Variants in LRRC9 observed in about 807,000 individuals in gnomAD.
The protein encoded by LRRC9 is leucine rich repeat containing 9.
In LRRC9, 122 loss-of-function variants were observed where a neutral mutation model predicts 63.2. The observed-to-expected ratio is 1.93, with a 90% CI of 1.67 to 2.24. The LOEUF (loss-of-function observed/expected upper bound fraction) is 2.24. LRRC9 is among the 30% of genes most tolerant of loss of function. The pLI is 0.00. For missense variants in LRRC9, 1,071 were observed against 627.7 expected (o/e 1.71, Z -7.55); for synonymous variants, 366 against 213.1 (o/e 1.72, Z -6.25).
At chr14:59,935,016 T>C (rs1391071353) in intron 6 of LRRC9, among the ~76,000 whole-genome samples, 1 of 151,552 alleles carries the variant, frequency 6.6e-6, no homozygotes, top group Non-Finnish European at 1.5e-5. Context: ...CCGGGCATGG[T>C]GGCTCACGCC....
intron 30 of LRRC9, among the ~76,000 whole-genome samples, chr14:60,056,657 T>C (rs539443898): frequency 5.3e-5 from 8 of 152,168 alleles, no homozygotes; most frequent in Non-Finnish European, 1.2e-4. Context: ...AATATTATTT[T>C]TTATCTATAT....
chr14:59,937,118 TG>T (rs1320118929), intron 6 of LRRC9, among the ~76,000 whole-genome samples: 1 of 150,138 alleles, frequency 6.7e-6, no homozygotes, highest in Non-Finnish European at 1.5e-5. Context: ...AAGTGCTGAG[TG>T]TTGAGAATAC....
exon 32 of LRRC9, chr14:60,063,545 C>T: frequency 2.1e-6 from 1 of 483,282 alleles, no homozygotes. Flanking sequence ...TTAATATCAC[C>T]TCTCTTAAAC....
chr14:59,960,998 G>C (rs763822932), exon 10 of LRRC9: 8 of 694,180 alleles, frequency 1.2e-5, no homozygotes, highest in South Asian at 1.1e-4. Context: ...TTGAGTTAGA[G>C]ACTGTGGGAA....
At chr14:59,988,957 T>C (rs1032467266) in intron 17 of LRRC9, among the ~76,000 whole-genome samples, 24 of 152,300 alleles carry the variant, frequency 1.6e-4, no homozygotes, top group Non-Finnish European at 2.9e-4. Context: ...TGGGGCATCT[T>C]AAATGTTACT....
exon 23 of LRRC9, chr14:60,008,205 G>T (rs1241840079): frequency 1.4e-6 from 1 of 698,866 alleles, no homozygotes; most frequent in Non-Finnish European, 2.6e-6. Context: ...CTTTGGATGG[G>T]ATACCAATTG....
intron 27 of LRRC9, among the ~76,000 whole-genome samples, chr14:60,025,151 C>G (rs1891438603): frequency 6.6e-6 from 1 of 151,680 alleles, no homozygotes; most frequent in Non-Finnish European, 1.5e-5. Flanking sequence ...AGTGCATTGG[C>G]ACAATCATAG....
intron 21 of LRRC9, 134 bp from the exon 22 acceptor site, chr14:60,006,263 T>TG: frequency 5.6e-6 from 3 of 538,480 alleles, no homozygotes; most frequent in Non-Finnish European, 9.8e-6. Flanking sequence ...AAAGCAATGA[T>TG]GGTTAGTATT....
intron 17 of LRRC9, 96 bp from the exon 18 acceptor site, chr14:59,997,560 G>C (rs1888929371): frequency 3.5e-6 from 2 of 574,778 alleles, no homozygotes; most frequent in Middle Eastern, 3.5e-4. Context: ...AGGATTACCA[G>C]GAAGTGTGTA....
chr14:60,045,680 G>A (rs780297684), intron 29 of LRRC9, among the ~76,000 whole-genome samples: 5 of 152,116 alleles, frequency 3.3e-5, no homozygotes, highest in Admixed American at 6.6e-5. Context: ...ATCACTGATG[G>A]GCATGTGGGT....
At chr14:60,013,827 A>T (rs962418343) in intron 23 of LRRC9, among the ~76,000 whole-genome samples, 2 of 152,294 alleles carry the variant, frequency 1.3e-5, no homozygotes, top group Admixed American at 6.5e-5. Context: ...TGTTGACAAC[A>T]TACAGTTGGA....
At position 60,027,968 on chromosome 14, in the gene LRRC9, T is replaced by G. The variant is rs1430798475; in HGVS notation, c.3788T>G (p.Phe1263Cys). ...GTGGACCATAACCGCATCCGATCATTTAATGACAGTGCTTTTGCCAAACCA... is the reference window on the plus strand; with the variant it reads ...GTGGACCATAACCGCATCCGATCATGTAATGACAGTGCTTTTGCCAAACCA... The change falls in exon 28 of 32, where the codon TTT becomes TGT. Residue 1263 changes from phenylalanine (F) to cysteine (C), a missense_variant. Transcript: ENST00000445360. This position sits in a 1 kb window ranked among gnomAD's most constrained non-coding sequence, Gnocchi z 4.0. 4.3e-6 allele frequency: 3 copies of G among 701,764 alleles called. No individual in the cohort carries two copies. Among genetic ancestry groups the G allele is most frequent in the Non-Finnish European group, 7.8e-6 (3 of 384,268 alleles). The allele number at this position is 701,764 out of a possible 1,614,324, so 43.5% of individuals were successfully genotyped here.
intron 15 of LRRC9, among the ~76,000 whole-genome samples, chr14:59,979,480 C>T (rs1013550195): frequency 2.0e-5 from 3 of 151,898 alleles, no homozygotes; most frequent in African/African-American, 7.3e-5. Context: ...GCCGTGGTGG[C>T]GGGCGCCTGT....
At position 59,923,940 on chromosome 14, in the gene LRRC9, C is replaced by T. The variant is rs1298722380; in HGVS notation, c.-33-3971C>T. On this transcript the variant is annotated intron_variant, in intron 1 of 31. Transcript: ENST00000445360. This position sits in a 1 kb window ranked among gnomAD's most constrained non-coding sequence, Gnocchi z 4.2. ...CAGCCTGGGAGACAGAGCAAGACTCCGTCTTAAAACAACAATAACAACAAC... is the reference window on the plus strand; with the variant it reads ...CAGCCTGGGAGACAGAGCAAGACTCTGTCTTAAAACAACAATAACAACAAC... Among the ~76,000 whole-genome samples the T allele has an allele frequency of 1.3e-5, 2 of 152,120 alleles. No individual in the cohort carries two copies. The highest frequency in any genetic ancestry group is 1.9e-4 in the East Asian group (1 of 5,198).
intron 7 of LRRC9, among the ~76,000 whole-genome samples, chr14:59,943,512 G>A (rs1027338763): frequency 1.3e-5 from 2 of 151,632 alleles, no homozygotes; most frequent in East Asian, 3.9e-4. Flanking sequence ...CTTAAGTTAC[G>A]GTTTTTTCTT....
At position 60,053,420 on chromosome 14, in the gene LRRC9, C is replaced by CACACACACACAT. The variant is rs989713744; in HGVS notation, c.4131+216_4131+217insCACACACACATA. On this transcript the variant is annotated intron_variant, in intron 30 of 31. Coordinates refer to ENST00000445360, the Ensembl canonical transcript of LRRC9. The surrounding 1 kb of genome is among the most constrained non-coding windows in gnomAD (Gnocchi z 4.8). ...ACACACACACACACACACACACACA[C>CACACACACACAT]ATATATATGTAAGTCAGGGAACATC... Among the ~76,000 whole-genome samples the CACACACACACAT allele has an allele frequency of 4.4e-5, 1 of 22,846 alleles. No homozygotes were observed. Among genetic ancestry groups the CACACACACACAT allele is most frequent in the African/African-American group, 8.5e-5 (1 of 11,778 alleles). The allele number at this position is 22,846 out of a possible 152,430, so 15.0% of individuals were successfully genotyped here.
At chr14:59,971,185 G>GT (rs1167833427) in intron 12 of LRRC9, among the ~76,000 whole-genome samples, 1 of 152,014 alleles carries the variant, frequency 6.6e-6, no homozygotes, top group Non-Finnish European at 1.5e-5. Context: ...TTGAATAGGG[G>GT]TTCCTGTCCC....
At chr14:60,001,156 A>T (rs1371205920) in intron 19 of LRRC9, among the ~76,000 whole-genome samples, 1 of 152,064 alleles carries the variant, frequency 6.6e-6, no homozygotes, top group Non-Finnish European at 1.5e-5. Flanking sequence ...CTGGAAAACA[A>T]TTTGACATTA....
chr14:59,963,883 T>G (rs928631937), intron 10 of LRRC9, among the ~76,000 whole-genome samples: 1 of 152,206 alleles, frequency 6.6e-6, no homozygotes, highest in Non-Finnish European at 1.5e-5. Context: ...AAAGTATATT[T>G]TAATAGATTA....
Sources: gnomAD v4.1 joint callset for allele counts (sites outside exome capture counted in the v4.1 genomes callset) on GRCh38, gnomAD v4.1.1 for gene constraint, Gnocchi (gnomAD v3.1) non-coding constraint, MANE v1.5 for transcripts, NCBI Gene and HGNC (gene_info 2026-07-23, HGNC 2026-07-21) for gene names.